ARL13B: variants seen among roughly 807,000 people sequenced by gnomAD.
The protein encoded by ARL13B is ADP-ribosylation factor-like protein 13B.
In ARL13B, 36 loss-of-function variants were observed where a neutral mutation model predicts 56.1. The ratio of observed to expected loss-of-function variants is 0.64; its 90% CI spans 0.49 to 0.85. The LOEUF (loss-of-function observed/expected upper bound fraction) is 0.85. ARL13B is among the 40% of genes least tolerant of loss of function. ARL13B has a pLI of 0.00. For synonymous variants in ARL13B, 178 were observed against 171.1 expected (o/e 1.04, Z -0.32); for missense variants, 519 against 507.1 (o/e 1.02, Z -0.23).
intron 1 of ARL13B, among the ~76,000 whole-genome samples, chr3:93,992,597 T>G (rs2075895150): frequency 6.6e-6 from 1 of 152,228 alleles, no homozygotes; most frequent in Non-Finnish European, 1.5e-5. Context: ...ATAAATGATG[T>G]AAACTAGTAG....
chr3:94,045,968 G>A (rs201530718), intron 7 of ARL13B, among the ~76,000 whole-genome samples: 11,023 of 123,410 alleles, frequency 0.089, 736 homozygotes, highest in Non-Finnish European at 0.15. Context: ...AAAAAAAAAA[G>A]AAAAAAAAAA....
At chr3:94,053,017 T>G (rs941759040) in intron 9 of ARL13B, among the ~76,000 whole-genome samples, 170 bp from the exon 10 acceptor site, 5 of 152,186 alleles carry the variant, frequency 3.3e-5, no homozygotes, top group Non-Finnish European at 5.9e-5. Context: ...CTCTTAAGAT[T>G]TAAAATGCAC....
At chr3:94,050,143 G>A (rs1361309838) in intron 8 of ARL13B, among the ~76,000 whole-genome samples, 1 of 142,884 alleles carries the variant, frequency 7.0e-6, no homozygotes. Flanking sequence ...CAGCCTGGGT[G>A]ACAGGGTGAG....
rs754442827 is a variant in ARL13B at position 94,015,203 on chromosome 3, C to T, written c.380+11295C>T. ...TGTTCCTCTGTTTCTGTAGTTGATA[C>T]ATGACTGTCTCTAGAGAGTTCAATT... On this transcript the variant is annotated intron_variant, in intron 3 of 9. Transcript: ENST00000394222. 3.1e-6 allele frequency: 5 copies of T among 1,612,388 alleles called. No individual in the cohort carries two copies. In the South Asian group the frequency reaches 4.4e-5, roughly 14 times the overall value.
At chr3:94,000,825 C>G (rs927636425) in intron 2 of ARL13B, among the ~76,000 whole-genome samples, 5 of 152,124 alleles carry the variant, frequency 3.3e-5, no homozygotes, top group Admixed American at 1.3e-4. Context: ...ACCACATATA[C>G]TCTACTGAAA....
intron 1 of ARL13B, among the ~76,000 whole-genome samples, chr3:93,981,768 G>A (rs1710227327): frequency 1.3e-5 from 2 of 150,934 alleles, no homozygotes; most frequent in African/African-American, 4.9e-5. Flanking sequence ...AAGCTACTTC[G>A]GAGGCTGAAT....
intron 3 of ARL13B, among the ~76,000 whole-genome samples, chr3:94,011,729 A>G (rs560261560): frequency 4.9e-4 from 74 of 152,166 alleles, no homozygotes; most frequent in African/African-American, 1.7e-3. Flanking sequence ...TGTCAGCAGA[A>G]TGTGCTTTCA....
At chr3:94,023,808 A>T (rs2076500378) in intron 3 of ARL13B, among the ~76,000 whole-genome samples, 1 of 152,200 alleles carries the variant, frequency 6.6e-6, no homozygotes, top group African/African-American at 2.4e-5. Context: ...ACTAATATAC[A>T]TACTATATCT....
rs945131291 is a variant in ARL13B, at chr3:94,043,855, G to A, written c.1024+615G>A. 7.4e-5 allele frequency among the ~76,000 whole-genome samples: 11 copies of A among 149,154 alleles called. No individual in the cohort carries two copies. In the East Asian group the frequency reaches 8.3e-4, roughly 11 times the overall value. On this transcript the variant is annotated intron_variant, in intron 7 of 9. Coordinates refer to ENST00000394222, the MANE Select transcript of ARL13B (RefSeq NM_001174150.2). ...GTATTTTTGGTGGAGATGGGGTTTCGCCATGTTGACCGATCTGGTCTCCAG... is the reference window on the plus strand; with the variant it reads ...GTATTTTTGGTGGAGATGGGGTTTCACCATGTTGACCGATCTGGTCTCCAG...
At position 93,995,855 on chromosome 3, in the gene ARL13B, A is replaced by T. The variant is rs1339124703; in HGVS notation, c.60-19A>T. On this transcript the variant is annotated intron_variant, in intron 1 of 9. Coordinates refer to ENST00000394222, the MANE Select transcript of ARL13B (RefSeq NM_001174150.2). ...TAAATTAACAAAGAAAGTGATTTTT[A>T]AATTTCTATTATTTTAAGAAAGGTG... 3.1e-6 allele frequency: 5 copies of T among 1,593,226 alleles called. No individual in the cohort carries two copies. Among genetic ancestry groups the T allele is most frequent in the East Asian group, 4.6e-5 (2 of 43,326 alleles).
At position 94,036,598 on chromosome 3, in the gene ARL13B, C is replaced by A. The variant is rs1218663137; in HGVS notation, c.533C>A (p.Ser178Tyr). Residue 178 changes from serine to tyrosine, a missense_variant, in exon 5 of 10, where the codon TCC (serine) becomes TAC (tyrosine). Coordinates refer to ENST00000394222, the MANE Select transcript of ARL13B (RefSeq NM_001174150.2). ...ISGYGKKIDK[S>Y]IKKGLYWLLH... The stretch of plus-strand genomic sequence containing the variant: ...GGGTATGGAAAGAAAATTGACAAGT[C>A]CATTAAAAAAGGCCTTTATTGGCTG... 2 of 1,613,812 alleles carry A rather than the reference C, an allele frequency of 1.2e-6. No homozygotes were observed. The highest frequency in any genetic ancestry group is 2.7e-5 in the African/African-American group (2 of 74,926).
chr3:93,980,562 C>G (rs1575913473), intron 1 of ARL13B, 80 bp downstream of exon 1: 3 of 1,556,988 alleles, frequency 1.9e-6, no homozygotes, highest in Admixed American at 1.7e-5. Flanking sequence ...GCCTTTTCCC[C>G]GCGCCTGGAC....
chr3:94,012,014 CTTCACATTT>C (rs532575775), intron 3 of ARL13B, among the ~76,000 whole-genome samples: 83 of 152,130 alleles, frequency 5.5e-4, no homozygotes, highest in African/African-American at 1.8e-3. Context: ...TTGACTGTTT[CTTCACATTT>C]TTCTTTCTTT....
intron 3 of ARL13B, chr3:94,015,209 T>C (rs202036799): frequency 6.2e-7 from 1 of 1,611,892 alleles, no homozygotes; most frequent in East Asian, 2.2e-5. Context: ...GATACATGAC[T>C]GTCTCTAGAG....
At chr3:93,994,182 AT>A (rs1204430633) in intron 1 of ARL13B, among the ~76,000 whole-genome samples, 1 of 152,154 alleles carries the variant, frequency 6.6e-6, no homozygotes, top group Non-Finnish European at 1.5e-5. Context: ...CTGTCTTCCT[AT>A]TCTGCTCCTT....
rs375561925 is a variant in ARL13B, at chr3:94,049,453, C to T, written c.1072C>T (p.Arg358Trp). Residue 358 changes from arginine to tryptophan, a missense_variant, in exon 8 of 10, where the codon CGG becomes TGG. By Grantham distance (101) the Arg-to-Trp change is moderately radical (BLOSUM62 -3). Transcript: ENST00000394222. Reference protein sequence around the residue: ...TKKLRMKRNHRVEPLNIDDCA... With the variant: ...TKKLRMKRNHWVEPLNIDDCA... ...GAAACTAAGAATGAAAAGGAACCAC[C>T]GGGTAGAACCACTTAATATAGATGA... 35 of 1,609,334 alleles carry T rather than the reference C, an allele frequency of 2.2e-5. 1 individual carries two copies. The highest frequency in any genetic ancestry group is 1.4e-4 in the South Asian group (13 of 89,660).
intron 3 of ARL13B, among the ~76,000 whole-genome samples, chr3:94,007,137 T>G (rs1163462501): frequency 6.6e-6 from 1 of 152,174 alleles, no homozygotes; most frequent in Non-Finnish European, 1.5e-5. Context: ...GTCATTTTAA[T>G]GCTTGGATAA....
At position 94,044,231 on chromosome 3, in the gene ARL13B, C is replaced by G. The variant is rs1030543942; in HGVS notation, c.1024+991C>G. Among the ~76,000 whole-genome samples the G allele has an allele frequency of 2.3e-4, 35 of 150,374 alleles. 1 individual carries two copies. Among genetic ancestry groups the G allele is most frequent in the African/African-American group, 7.1e-4 (29 of 40,816 alleles). ...GTGAGGAGTGTCTCTGCCTGGCCGC[C>G]CATCATCTGGGATGTGAGGAGCGCC... On this transcript the variant is annotated intron_variant, in intron 7 of 9. Transcript: ENST00000394222.
chr3:93,985,733 CT>C (rs1710432823), intron 1 of ARL13B, among the ~76,000 whole-genome samples: 1 of 152,150 alleles, frequency 6.6e-6, no homozygotes, highest in South Asian at 2.1e-4. Flanking sequence ...TTCCTGCCCC[CT>C]ATTCATCTCC....
Sources: allele counts gnomAD v4.1 joint callset (sites outside exome capture counted in the v4.1 genomes callset), GRCh38; gene constraint gnomAD v4.1.1; transcripts MANE v1.5; gene names NCBI Gene and HGNC (gene_info 2026-07-23, HGNC 2026-07-21).